Variants in CTXND1 observed in about 807,000 individuals in gnomAD.
CTXND1 encodes cortexin domain-containing 1 protein.
In CTXND1 at chr15:80,195,721, G is replaced by T. The variant is rs772887467; in HGVS notation, c.*6049C>A. 6.6e-5 allele frequency: 10 copies of T among 152,168 alleles called. No homozygotes were observed. Among genetic ancestry groups the T allele is most frequent in the Non-Finnish European group, 1.2e-4 (8 of 68,036 alleles). The allele number at this position is 152,168 out of a possible 1,614,324, so 9.4% of individuals were successfully genotyped here. A position where few individuals can be genotyped will look rare whatever the true frequency, so the allele number is the denominator to read the frequency against. ...CCTAATCACCTCTCATTGGGCCCCA[G>T]ATCTCAACACTGTTGCAATGGGAAT... On this transcript the variant is annotated 3_prime_UTR_variant, in exon 3 of 3. Transcript: ENST00000560778.
At chr15:80,206,605 T>C (rs1386797497) in intron 1 of CTXND1, among the ~76,000 whole-genome samples, 2 of 152,224 alleles carry the variant, frequency 1.3e-5, no homozygotes, top group Admixed American at 1.3e-4. Context: ...TTTTAGTCAC[T>C]AGTATTAGCT....
At chr15:80,239,642 T>C (rs1269893351) in intron 1 of CTXND1, among the ~76,000 whole-genome samples, 1 of 152,230 alleles carries the variant, frequency 6.6e-6, no homozygotes, top group Non-Finnish European at 1.5e-5. Context: ...TGTGGGACCT[T>C]ATGATTGTGT....
At chr15:80,249,976 T>C (rs549169805) in intron 1 of CTXND1, among the ~76,000 whole-genome samples, 36 of 152,350 alleles carry the variant, frequency 2.4e-4, no homozygotes, top group African/African-American at 8.7e-4. Flanking sequence ...AGCATTAACC[T>C]CAGTCTAGGA....
Position 80,197,396 on chromosome 15 carries a change from T to A in CTXND1, c.*4374A>T, listed in dbSNP as rs1254129160. ...TCCCTGGGTGTTTTACTGTTCCCTG[T>A]TGTTTTCCATACCCTTGCCCAACCT... is the stretch of plus-strand genomic sequence containing the variant. On this transcript the variant is annotated 3_prime_UTR_variant, in exon 3 of 3. Coordinates refer to ENST00000560778, the MANE Select transcript of CTXND1 (RefSeq NM_001352888.2). 1 of 152,284 alleles carries A rather than the reference T, an allele frequency of 6.6e-6. No individual in the cohort carries two copies. Among genetic ancestry groups the A allele is most frequent in the East Asian group, 1.9e-4 (1 of 5,198 alleles). 9.4% of individuals were successfully genotyped at this position (152,284 alleles called of 1,614,324 possible).
intron 1 of CTXND1, among the ~76,000 whole-genome samples, chr15:80,236,714 G>T (rs189680604): frequency 7.5e-4 from 114 of 151,714 alleles, no homozygotes; most frequent in African/African-American, 2.7e-3. Flanking sequence ...ACTGGGGAGG[G>T]AGAGGTTGCA....
chr15:80,210,773 A>G (rs1893195918), intron 1 of CTXND1, among the ~76,000 whole-genome samples: 1 of 152,206 alleles, frequency 6.6e-6, no homozygotes, highest in African/African-American at 2.4e-5. Context: ...AACAGTAGAA[A>G]TTTATTTCCT....
chr15:80,225,379 C>A (rs1893361156), intron 1 of CTXND1, among the ~76,000 whole-genome samples: 1 of 151,874 alleles, frequency 6.6e-6, no homozygotes, highest in African/African-American at 2.4e-5. Context: ...TGGTGGGCAC[C>A]TTTTATTTAA....
rs374870012 is a variant in CTXND1 at position 80,228,010 on chromosome 15, G to T, written c.-218+23997C>A. On this transcript the variant is annotated intron_variant, in intron 1 of 2. Transcript: ENST00000560778. The stretch of plus-strand genomic sequence containing the variant: ...CAAACTCTGCTGCTGCTTTATCAAT[G>T]AAGTGTATGTAATATTCTAAATCCT... 2.2e-4 allele frequency among the ~76,000 whole-genome samples: 34 copies of T among 152,344 alleles called. 2 individuals are homozygous for T. The highest frequency in any genetic ancestry group is 1.2e-3 in the Admixed American group (18 of 15,310).
chr15:80,217,355 G>A (rs1034103411), intron 1 of CTXND1, among the ~76,000 whole-genome samples: 1 of 151,978 alleles, frequency 6.6e-6, no homozygotes, highest in Non-Finnish European at 1.5e-5. Flanking sequence ...CTAATACACT[G>A]TCAGATTCAA....
chr15:80,217,810 G>C (rs931401805), intron 1 of CTXND1, among the ~76,000 whole-genome samples: 4 of 152,140 alleles, frequency 2.6e-5, no homozygotes, highest in Non-Finnish European at 5.9e-5. Context: ...GCCTCCCAAA[G>C]TGTTGGGATT....
At position 80,197,116 on chromosome 15, in the gene CTXND1, G is replaced by A. The variant is rs577460800; in HGVS notation, c.*4654C>T. ...TTGTCGCCTAGGCTGGAGTGCAGTA[G>A]TGTGATCCTAGCTCATTGTAACCTC... On this transcript the variant is annotated 3_prime_UTR_variant, in exon 3 of 3. Transcript: ENST00000560778. The A allele has an allele frequency of 1.4e-4, 21 of 152,370 alleles. No homozygotes were observed. Among genetic ancestry groups the A allele is most frequent in the Admixed American group, 1.2e-3 (18 of 15,296 alleles). 9.4% of individuals were successfully genotyped at this position (152,370 alleles called of 1,614,324 possible).
At chr15:80,204,197 T>C (rs59619103) in intron 1 of CTXND1, among the ~76,000 whole-genome samples, 2 of 28,878 alleles carry the variant, frequency 6.9e-5, no homozygotes, top group African/African-American at 1.6e-4. Flanking sequence ...TATATATATA[T>C]ATACACAAAC....
Position 80,198,720 on chromosome 15 carries a change from T to G in CTXND1, c.*3050A>C, listed in dbSNP as rs11858089. ...CTGTAAGTATTTATTCTCCCCTGTCTTAAGCAAGCTCCCCGGCTTCATCAT... is the reference window on the plus strand; with the variant it reads ...CTGTAAGTATTTATTCTCCCCTGTCGTAAGCAAGCTCCCCGGCTTCATCAT... On this transcript the variant is annotated 3_prime_UTR_variant, in exon 3 of 3. Coordinates refer to ENST00000560778, the MANE Select transcript of CTXND1 (RefSeq NM_001352888.2). The G allele has an allele frequency of 0.74, 112,666 of 152,074 alleles. 41,941 individuals are homozygous for G. Among genetic ancestry groups the G allele is most frequent in the East Asian group, 0.88 (4,549 of 5,174 alleles). 9.4% of individuals were successfully genotyped at this position (152,074 alleles called of 1,614,324 possible).
chr15:80,232,921 T>C (rs563132234), intron 1 of CTXND1, among the ~76,000 whole-genome samples: 1 of 150,684 alleles, frequency 6.6e-6, no homozygotes, highest in South Asian at 2.1e-4. Flanking sequence ...AGTGTGATAT[T>C]AGACGAAAAA....
chr15:80,236,455 A>G (rs921617502), intron 1 of CTXND1, among the ~76,000 whole-genome samples: 7 of 152,206 alleles, frequency 4.6e-5, no homozygotes, highest in Admixed American at 3.9e-4. Flanking sequence ...ATGCATAATG[A>G]TGTTTCCATC....
At chr15:80,241,996 G>A (rs1186238155) in intron 1 of CTXND1, among the ~76,000 whole-genome samples, 1 of 152,236 alleles carries the variant, frequency 6.6e-6, no homozygotes, top group Admixed American at 6.5e-5. Context: ...GAGGTGGGCA[G>A]AGCAGTGAGC....
chr15:80,222,404 CT>C (rs1404045006), intron 1 of CTXND1, among the ~76,000 whole-genome samples: 1 of 152,076 alleles, frequency 6.6e-6, no homozygotes, highest in Non-Finnish European at 1.5e-5. Flanking sequence ...CAATTTAAAG[CT>C]TTAACAATTA....
chr15:80,247,620 C>A (rs1160161217), intron 1 of CTXND1, among the ~76,000 whole-genome samples: 2 of 152,072 alleles, frequency 1.3e-5, no homozygotes, highest in African/African-American at 4.8e-5. Context: ...TGAGGAGTAT[C>A]CTCAGAAACC....
chr15:80,201,103 C>T lies in CTXND1; in HGVS notation c.*667G>A, dbSNP rs2041446597. On this transcript the variant is annotated 3_prime_UTR_variant, in exon 3 of 3. Transcript: ENST00000560778. Reference sequence around the variant, plus strand: ...GAGGTGGGATTATAAGTGTTATTTCCTCCCCCTTTCTTTCTATTTATCTGC... The same window carrying T: ...GAGGTGGGATTATAAGTGTTATTTCTTCCCCCTTTCTTTCTATTTATCTGC... 6.6e-6 allele frequency: 1 copy of T among 152,078 alleles called. No individual in the cohort carries two copies. Among genetic ancestry groups the T allele is most frequent in the South Asian group, 2.1e-4 (1 of 4,812 alleles). The allele number at this position is 152,078 out of a possible 1,614,324, so 9.4% of individuals were successfully genotyped here.
Sources: allele counts gnomAD v4.1 joint callset (sites outside exome capture counted in the v4.1 genomes callset), GRCh38; gene constraint gnomAD v4.1.1; transcripts MANE v1.5; gene names NCBI Gene and HGNC (gene_info 2026-07-23, HGNC 2026-07-21).